Variants in ADAM22 observed in about 807,000 individuals in gnomAD.
ADAM22 encodes disintegrin and metalloproteinase domain-containing protein 22.
A neutral mutation model predicts 144.6 loss-of-function variants in ADAM22; 65 were observed. That is an observed-to-expected ratio of 0.45 (90% CI 0.37 to 0.55). The LOEUF (loss-of-function observed/expected upper bound fraction) is 0.55, where lower values mean the gene tolerates loss of function less well. Among genes scored for constraint, ADAM22 ranks in the 20% least tolerant of loss-of-function variants. ADAM22 has a pLI of 0.00. For missense variants in ADAM22, 974 were observed against 1,184.9 expected (o/e 0.82, Z 2.61); for synonymous variants, 391 against 412.6 (o/e 0.95, Z 0.63).
chr7:88,012,796 C>T (rs1027049314), intron 3 of ADAM22, among the ~76,000 whole-genome samples: 1 of 152,222 alleles, frequency 6.6e-6, no homozygotes, highest in African/African-American at 2.4e-5. Context: ...CTATCCCCCT[C>T]ACTCCCTTTG....
At chr7:88,179,942 G>A (rs1250493367) in intron 27 of ADAM22, among the ~76,000 whole-genome samples, 1 of 152,066 alleles carries the variant, frequency 6.6e-6, no homozygotes, top group Non-Finnish European at 1.5e-5. Context: ...GGGCACATTA[G>A]CTACTTTTCA....
At chr7:88,029,245 T>TTA (rs1799697473) in intron 3 of ADAM22, among the ~76,000 whole-genome samples, 2 of 152,246 alleles carry the variant, frequency 1.3e-5, no homozygotes, top group South Asian at 4.1e-4. Flanking sequence ...TGTGTATTTG[T>TTA]TATATGTTTT....
intron 2 of ADAM22, among the ~76,000 whole-genome samples, chr7:87,966,687 G>T (rs1480499092): frequency 7.8e-6 from 1 of 128,596 alleles, no homozygotes; most frequent in East Asian, 2.4e-4. Context: ...TTCGGGGAAT[G>T]CCTCTCAAGA....
chr7:87,978,211 T>C (rs1425991650), intron 2 of ADAM22, 125 bp from the exon 3 acceptor site: 5 of 765,318 alleles, frequency 6.5e-6, no homozygotes, highest in Non-Finnish European at 1.0e-5. Flanking sequence ...ATGTTTTCAC[T>C]TATTCTCCAT....
intron 3 of ADAM22, among the ~76,000 whole-genome samples, chr7:88,022,492 G>A (rs896740572): frequency 6.6e-6 from 1 of 152,064 alleles, no homozygotes; most frequent in African/African-American, 2.4e-5. Flanking sequence ...TGTTTCAATT[G>A]GATTTTACCA....
intron 4 of ADAM22, among the ~76,000 whole-genome samples, chr7:88,094,645 T>C (rs983101469): frequency 6.6e-6 from 1 of 152,244 alleles, no homozygotes. Flanking sequence ...AATTATTTTC[T>C]AACTCTGTGG....
At chr7:87,959,004 C>CTTGGT in intron 2 of ADAM22, among the ~76,000 whole-genome samples, 1 of 152,042 alleles carries the variant, frequency 6.6e-6, no homozygotes, top group South Asian at 2.1e-4. Flanking sequence ...CTATTTAGAT[C>CTTGGT]CTTAATGATT....
intron 22 of ADAM22, among the ~76,000 whole-genome samples, chr7:88,158,405 G>T (rs1457583054): frequency 3.9e-5 from 6 of 151,984 alleles, no homozygotes; most frequent in African/African-American, 1.2e-4. Flanking sequence ...AAATGGATCT[G>T]ATAGACCTCT....
chr7:88,122,254 C>T (rs1468781729), intron 7 of ADAM22, among the ~76,000 whole-genome samples: 1 of 152,196 alleles, frequency 6.6e-6, no homozygotes, highest in Non-Finnish European at 1.5e-5. Context: ...AACACTAGTG[C>T]TCATGTAATG....
intron 3 of ADAM22, among the ~76,000 whole-genome samples, chr7:87,979,613 G>T (rs770303648): frequency 3.9e-5 from 6 of 151,916 alleles, no homozygotes; most frequent in Non-Finnish European, 8.8e-5. Context: ...TATTTATTTG[G>T]TCTATAGTCT....
Position 88,124,582 on chromosome 7 carries a change from A to G in ADAM22, c.608-1007A>G, listed in dbSNP as rs1247272144. Among the ~76,000 whole-genome samples, 4 of 150,996 alleles carry G rather than the reference A, an allele frequency of 2.6e-5. No individual in the cohort carries two copies. In the East Asian group the frequency reaches 7.8e-4, roughly 29 times the overall value. On this transcript the variant is annotated intron_variant, in intron 7 of 31. Transcript: ENST00000413139. The stretch of plus-strand genomic sequence containing the variant: ...GCCTTTTAGGCACAACATTTAGTCT[A>G]TTTGCATTTAATGTAATTATTGATA...
chr7:87,997,996 G>T (rs541135312), intron 3 of ADAM22, among the ~76,000 whole-genome samples: 1 of 152,332 alleles, frequency 6.6e-6, no homozygotes, highest in African/African-American at 2.4e-5. Context: ...TCAGTCTATG[G>T]CTGAAGGCCT....
intron 3 of ADAM22, among the ~76,000 whole-genome samples, chr7:87,996,256 A>G (rs993078020): frequency 1.3e-5 from 2 of 152,200 alleles, no homozygotes; most frequent in African/African-American, 4.8e-5. Flanking sequence ...GTCTTAGTTC[A>G]GGCTGCCATA....
intron 4 of ADAM22, among the ~76,000 whole-genome samples, chr7:88,085,174 T>G (rs1818098268): frequency 6.6e-6 from 1 of 152,168 alleles, no homozygotes; most frequent in Admixed American, 6.5e-5. Context: ...CCTGTAAGTT[T>G]TTTTGTTTTT....
At chr7:88,054,110 C>T (rs142842624) in intron 3 of ADAM22, among the ~76,000 whole-genome samples, 129 of 152,158 alleles carry the variant, frequency 8.5e-4, no homozygotes, top group African/African-American at 3.0e-3. Context: ...TCAGCCTGAG[C>T]GACAGAGCGA....
At chr7:88,184,768 G>T (rs775412079) in intron 29 of ADAM22, among the ~76,000 whole-genome samples, 1 of 152,140 alleles carries the variant, frequency 6.6e-6, no homozygotes, top group African/African-American at 2.4e-5. Flanking sequence ...ACAAAAAATT[G>T]GGAGTTGTTT....
intron 4 of ADAM22, among the ~76,000 whole-genome samples, chr7:88,106,840 G>A (rs1397269693): frequency 3.9e-5 from 6 of 152,128 alleles, no homozygotes; most frequent in Non-Finnish European, 8.8e-5. Flanking sequence ...ACTGCACTCT[G>A]AGTAGTAAGT....
intron 4 of ADAM22, among the ~76,000 whole-genome samples, chr7:88,079,204 A>G (rs1815695255): frequency 1.3e-5 from 2 of 152,190 alleles, no homozygotes; most frequent in South Asian, 4.1e-4. Context: ...ACATTCTTAA[A>G]AATAAGAATT....
At chr7:88,153,439 C>G (rs1301199907) in intron 21 of ADAM22, 113 bp downstream of exon 21, 1 of 777,616 alleles carries the variant, frequency 1.3e-6, no homozygotes, top group Non-Finnish European at 2.1e-6. Flanking sequence ...CTCTTGCCTC[C>G]TTAACCTCAT....
Sources: gnomAD v4.1 joint callset for allele counts (sites outside exome capture counted in the v4.1 genomes callset) on GRCh38, gnomAD v4.1.1 for gene constraint, MANE v1.5 for transcripts, NCBI Gene and HGNC (gene_info 2026-07-23, HGNC 2026-07-21) for gene names.